Variants in ARL5C observed in about 807,000 individuals in gnomAD.
ARL5C encodes putative ADP-ribosylation factor-like protein 5C.
Under a neutral mutation model 20.8 loss-of-function variants are expected in ARL5C, and 21 were observed. That is an observed-to-expected ratio of 1.01 (90% CI 0.72 to 1.46). ARL5C has a LOEUF of 1.46. ARL5C is among the 40% of genes most tolerant of loss of function. ARL5C has a pLI of 0.00. For missense variants in ARL5C, 199 were observed against 225.1 expected, an observed-to-expected ratio of 0.88 and a Z score of 0.74; for synonymous variants, 71 against 81.6, an observed-to-expected ratio of 0.87 and a Z score of 0.70.
rs1038138269 is a variant in ARL5C at position 39,165,525 on chromosome 17, C to G, written c.46+190G>C. 2.8e-4 allele frequency: 188 copies of G among 667,598 alleles called. 1 individual carries two copies. Among genetic ancestry groups the G allele is most frequent in the Non-Finnish European group, 4.2e-4 (166 of 398,206 alleles). 41.4% of individuals were successfully genotyped at this position (667,598 alleles called of 1,614,324 possible). A position where few individuals can be genotyped will look rare whatever the true frequency, so the allele number is the denominator to read the frequency against. On this transcript the variant is annotated intron_variant, in intron 1 of 5. Transcript: ENST00000269586. ...GGTCGCCCAGCTTTGCGTCCTGGGG[C>G]GCACCGAAGCGCCGGGACCCAAGAG...
In ARL5C at chr17:39,165,772, G is replaced by A. The variant is rs762426874; in HGVS notation, c.-12C>T. 1.9e-6 allele frequency: 3 copies of A among 1,551,802 alleles called. No homozygotes were observed. Among genetic ancestry groups the A allele is most frequent in the Middle Eastern group, 1.7e-4 (1 of 5,992 alleles). The stretch of plus-strand genomic sequence containing the variant: ...ATCAGCTGTCCCATGGCACTTCCCG[G>A]GCCGGACAGGTGCAGGAGGGCTCAG... On this transcript the variant is annotated 5_prime_UTR_variant, in exon 1 of 6. Coordinates refer to ENST00000269586, the MANE Select transcript of ARL5C (RefSeq NM_001143968.1).
intron 2 of ARL5C, 39 bp from the exon 3 acceptor site, chr17:39,162,897 C>A (rs1467878724): frequency 1.9e-6 from 3 of 1,542,828 alleles, no homozygotes; most frequent in Admixed American, 2.0e-5. Flanking sequence ...CTCAGTCCAG[C>A]CTACTCCCAA....
chr17:39,165,940 G>A lies in ARL5C; in HGVS notation c.-180C>T. Reference sequence around the variant, plus strand: ...CCTCTGGGACGCTGGCCCTTCGTGGGCACTATGGACACCCCAGTGACTAAG... The same window carrying A: ...CCTCTGGGACGCTGGCCCTTCGTGGACACTATGGACACCCCAGTGACTAAG... On this transcript the variant is annotated 5_prime_UTR_variant, in exon 1 of 6. Coordinates refer to ENST00000269586, the MANE Select transcript of ARL5C (RefSeq NM_001143968.1). The A allele has an allele frequency of 1.5e-6, 1 of 670,036 alleles. No homozygotes were observed. Among genetic ancestry groups the A allele is most frequent in the Non-Finnish European group, 2.6e-6 (1 of 391,614 alleles). The allele number at this position is 670,036 out of a possible 1,614,324, so 41.5% of individuals were successfully genotyped here. A position where few individuals can be genotyped will look rare whatever the true frequency, so the allele number is the denominator to read the frequency against.
At chr17:39,159,936 TC>T (rs1250549552) in intron 5 of ARL5C, among the ~76,000 whole-genome samples, 7 of 152,356 alleles carry the variant, frequency 4.6e-5, no homozygotes, top group Non-Finnish European at 8.8e-5. Flanking sequence ...AAAAGTCATC[TC>T]TTAAGAGAGG....
Position 39,161,514 on chromosome 17 carries a change from GTCTT to G in ARL5C, c.256-167_256-164del, listed in dbSNP as rs1403550291. Among the ~76,000 whole-genome samples the G allele has an allele frequency of 2.4e-3, 344 of 144,148 alleles. 3 individuals carry two copies. The highest frequency in any genetic ancestry group is 8.8e-3 in the African/African-American group (332 of 37,630). 94.6% of individuals were successfully genotyped at this position (144,148 alleles called of 152,430 possible). On this transcript the variant is annotated intron_variant, in intron 3 of 5. Coordinates refer to ENST00000269586, the MANE Select transcript of ARL5C (RefSeq NM_001143968.1). ...TCACCACCCTGCTTCCATTATAATTGTCTTTTTTTTTTTTTTTGAGGCGGAGTCT... is the reference window on the plus strand; with the variant it reads ...TCACCACCCTGCTTCCATTATAATTGTTTTTTTTTTTTTGAGGCGGAGTCT...
At chr17:39,158,332 G>A (rs1218255642) in intron 5 of ARL5C, among the ~76,000 whole-genome samples, 10 of 151,864 alleles carry the variant, frequency 6.6e-5, no homozygotes, top group African/African-American at 2.2e-4. Flanking sequence ...ACACATCTGC[G>A]CCAGGCGTGG....
At chr17:39,160,364 C>T (rs72823334) in intron 5 of ARL5C, 51,866 of 489,612 alleles carry the variant, frequency 0.11, 3,482 homozygotes, top group East Asian at 0.23. Flanking sequence ...TGCATTTAGG[C>T]GGAGTGCTAC....
intron 1 of ARL5C, 150 bp downstream of exon 1, chr17:39,165,564 CG>C: frequency 3.3e-6 from 3 of 908,066 alleles, no homozygotes; most frequent in South Asian, 3.3e-5. Flanking sequence ...CAGGCAGGGA[CG>C]GGGGCAGGGG....
At chr17:39,165,305 C>A in intron 1 of ARL5C, 166 bp from the exon 2 acceptor site, 1 of 659,550 alleles carries the variant, frequency 1.5e-6, no homozygotes, top group Non-Finnish European at 2.6e-6. Flanking sequence ...CTGCCCCACT[C>A]CGGGACGGTG....
intron 3 of ARL5C, among the ~76,000 whole-genome samples, chr17:39,161,927 C>A (rs894140101): frequency 2.6e-5 from 4 of 152,280 alleles, no homozygotes; most frequent in Non-Finnish European, 5.9e-5. Flanking sequence ...CTTACCACAA[C>A]GCTGTGGACT....
downstream of ARL5C, chr17:39,156,774 T>G: frequency 5.0e-6 from 6 of 1,191,248 alleles, no homozygotes; most frequent in Non-Finnish European, 6.0e-6. Flanking sequence ...AATCTCACTG[T>G]CCATAGCAGC....
intron 2 of ARL5C, among the ~76,000 whole-genome samples, chr17:39,163,396 C>CTTTCTTTCTTTCTT (rs1567781477): frequency 2.8e-4 from 9 of 32,328 alleles, no homozygotes; most frequent in South Asian, 1.4e-3. Context: ...CTTTCTTTCT[C>CTTTCTTTCTTTCTT]TCTTTCTTTC....
chr17:39,163,826 G>A (rs1291623961), intron 2 of ARL5C, among the ~76,000 whole-genome samples: 8 of 151,340 alleles, frequency 5.3e-5, no homozygotes, highest in East Asian at 3.9e-4. Flanking sequence ...GTACAGTGGC[G>A]CAGTCTCAGC....
In ARL5C at chr17:39,165,856, G is replaced by T; in HGVS notation, c.-96C>A. 6.9e-7 allele frequency: 1 copy of T among 1,445,192 alleles called. No individual in the cohort carries two copies. The highest frequency in any genetic ancestry group is 9.5e-7 in the Non-Finnish European group (1 of 1,057,700). 89.5% of individuals were successfully genotyped at this position (1,445,192 alleles called of 1,614,324 possible). A position where few individuals can be genotyped will look rare whatever the true frequency, so the allele number is the denominator to read the frequency against. On this transcript the variant is annotated 5_prime_UTR_variant, in exon 1 of 6. Transcript: ENST00000269586. The stretch of plus-strand genomic sequence containing the variant: ...GAGCTCCGCTCCCCCGGGAGGGTCT[G>T]GCAGATTTTGCCTACGAAGTTAGGG...
chr17:39,163,357 T>TCTTTCTTTCTTTCTTTCTTTCTTC (rs2045445236), intron 2 of ARL5C, among the ~76,000 whole-genome samples: 27 of 114,194 alleles, frequency 2.4e-4, no homozygotes, highest in African/African-American at 1.5e-3. Context: ...TTTCTTTCTT[T>TCTTTCTTTCTTTCTTTCTTTCTTC]CTTTCTTTCT....
Position 39,160,758 on chromosome 17 carries a change from C to A in ARL5C, c.340-16G>T, listed in dbSNP as rs1450806513. ...CCTGTAGAGCCTGTGGACAGAGGAG[C>A]CCAGCCCCAGTCAGCCTGCTAGTGC... On this transcript the variant is annotated splice_polypyrimidine_tract_variant and intron_variant, in intron 4 of 5. Coordinates refer to ENST00000269586, the MANE Select transcript of ARL5C (RefSeq NM_001143968.1). The A allele has an allele frequency of 6.5e-7, 1 of 1,549,908 alleles. No individual in the cohort carries two copies. The highest frequency in any genetic ancestry group is 2.0e-5 in the Admixed American group (1 of 50,938).
chr17:39,163,345 C>CCATTCTTTCTTTCTTTCTTTCTTTCTTT (rs765643720), intron 2 of ARL5C, among the ~76,000 whole-genome samples: 4 of 136,740 alleles, frequency 2.9e-5, no homozygotes, highest in Admixed American at 7.5e-5. Flanking sequence ...CAGGCTTTTG[C>CCATTCTTTCTTTCTTTCTTTCTTTCTTT]CTTTCTTTCT....
chr17:39,164,677 A>G (rs2045453863), intron 2 of ARL5C, among the ~76,000 whole-genome samples: 1 of 152,178 alleles, frequency 6.6e-6, no homozygotes, highest in Non-Finnish European at 1.5e-5. Context: ...CAGGCTTGCT[A>G]GACCAGGAGC....
rs869126572 is a variant in ARL5C at position 39,159,022 on chromosome 17, G to GTTTTTTT, written c.491+1562_491+1568dup. On this transcript the variant is annotated intron_variant, in intron 5 of 5. Coordinates refer to ENST00000269586, the MANE Select transcript of ARL5C (RefSeq NM_001143968.1). The stretch of plus-strand genomic sequence containing the variant: ...TTATTCACCTTATCATTTATCACTT[G>GTTTTTTT]TTTTTTTTTTTTTTTTTTTTTTTTT... Among the ~76,000 whole-genome samples, 31 of 52,468 alleles carry GTTTTTTT rather than the reference G, an allele frequency of 5.9e-4. 7 individuals are homozygous for GTTTTTTT. Among genetic ancestry groups the GTTTTTTT allele is most frequent in the Non-Finnish European group, 6.0e-4 (17 of 28,560 alleles). The allele number at this position is 52,468 out of a possible 152,430, so 34.4% of individuals were successfully genotyped here. A position where few individuals can be genotyped will look rare whatever the true frequency, so the allele number is the denominator to read the frequency against.
Sources: gnomAD v4.1 joint callset for allele counts (sites outside exome capture counted in the v4.1 genomes callset) on GRCh38, gnomAD v4.1.1 for gene constraint, MANE v1.5 for transcripts, NCBI Gene and HGNC (gene_info 2026-07-23, HGNC 2026-07-21) for gene names.